The following ADARB2 variants were observed in gnomAD, a reference collection of about 807,000 sequenced individuals.
ADARB2 encodes adenosine deaminase RNA specific B2 (inactive).
ADARB2 carries 25 observed loss-of-function variants against 62.2 expected under a neutral mutation model. The ratio of observed to expected loss-of-function variants is 0.40; its 90% CI spans 0.29 to 0.56. The LOEUF is 0.56. ADARB2 is among the 20% of genes least tolerant of loss of function. ADARB2 has a pLI of 0.43. For synonymous variants in ADARB2, 572 were observed against 500.8 expected, an observed-to-expected ratio of 1.14 and a Z score of -1.90; for missense variants, 1,071 against 1,077.4, an observed-to-expected ratio of 0.99 and a Z score of 0.08.
chr10:1,346,686 A>G (rs886648617), intron 3 of ADARB2, among the ~76,000 whole-genome samples: 1 of 152,250 alleles, frequency 6.6e-6, no homozygotes, highest in Non-Finnish European at 1.5e-5. Context: ...CAGAGATGCC[A>G]GGGGTGCCCC....
intron 1 of ADARB2, among the ~76,000 whole-genome samples, chr10:1,611,761 A>G (rs1468821543): frequency 1.3e-5 from 2 of 152,240 alleles, no homozygotes; most frequent in Non-Finnish European, 2.9e-5. Flanking sequence ...GTGACTTGAT[A>G]TATCGTCCCA....
At chr10:1,301,566 C>G (rs7094667) in intron 3 of ADARB2, among the ~76,000 whole-genome samples, 1 of 112,196 alleles carries the variant, frequency 8.9e-6, no homozygotes, top group African/African-American at 3.2e-5. Context: ...TCTTCTCTCT[C>G]TCTCTCTGTC....
At chr10:1,365,326 G>A (rs1444945847) in intron 2 of ADARB2, among the ~76,000 whole-genome samples, 1 of 152,088 alleles carries the variant, frequency 6.6e-6, no homozygotes, top group Non-Finnish European at 1.5e-5. Context: ...ACTGTTGTGA[G>A]TGTTCCCACC....
At chr10:1,502,371 T>A (rs777726360) in intron 1 of ADARB2, among the ~76,000 whole-genome samples, 1 of 152,256 alleles carries the variant, frequency 6.6e-6, no homozygotes, top group Non-Finnish European at 1.5e-5. Flanking sequence ...GAGAGGTATA[T>A]GACCGTGTGC....
At chr10:1,513,397 T>C (rs1214555019) in intron 1 of ADARB2, among the ~76,000 whole-genome samples, 1 of 152,204 alleles carries the variant, frequency 6.6e-6, no homozygotes, top group Non-Finnish European at 1.5e-5. Flanking sequence ...GGCAGCGCCC[T>C]GCAGCCGACT....
chr10:1,304,799 G>A (rs1034076061), intron 3 of ADARB2, among the ~76,000 whole-genome samples: 1 of 148,672 alleles, frequency 6.7e-6, no homozygotes, highest in Non-Finnish European at 1.5e-5. Flanking sequence ...CGAAATGAAG[G>A]CAGAAATAAA....
intron 1 of ADARB2, among the ~76,000 whole-genome samples, chr10:1,492,628 T>C (rs1831636706): frequency 6.6e-6 from 1 of 152,028 alleles, no homozygotes; most frequent in African/African-American, 2.4e-5. Flanking sequence ...TAATAGGTGG[T>C]CCAAGAACAC....
At chr10:1,263,444 G>A (rs952188252) in intron 4 of ADARB2, among the ~76,000 whole-genome samples, 2 of 152,182 alleles carry the variant, frequency 1.3e-5, no homozygotes, top group African/African-American at 4.8e-5. Context: ...AAGACTCATA[G>A]TCAAAGAGAC....
At chr10:1,531,539 A>G (rs1832239880) in intron 1 of ADARB2, among the ~76,000 whole-genome samples, 1 of 152,182 alleles carries the variant, frequency 6.6e-6, no homozygotes. Context: ...TTACAGCCAC[A>G]CAGTAATAGT....
chr10:1,505,500 C>T (rs1425763451), intron 1 of ADARB2, among the ~76,000 whole-genome samples: 1 of 151,978 alleles, frequency 6.6e-6, no homozygotes, highest in Non-Finnish European at 1.5e-5. Context: ...TCGTCTGACT[C>T]ACATCCACAC....
At chr10:1,674,299 G>T (rs898285030) in intron 1 of ADARB2, among the ~76,000 whole-genome samples, 9 of 152,208 alleles carry the variant, frequency 5.9e-5, no homozygotes, top group African/African-American at 9.7e-5. Flanking sequence ...CAGTCCTACG[G>T]GTGTGACTTG....
intron 1 of ADARB2, among the ~76,000 whole-genome samples, chr10:1,671,889 G>A: frequency 6.6e-6 from 1 of 151,406 alleles, no homozygotes; most frequent in East Asian, 1.9e-4. Context: ...CACTTGCACT[G>A]GGGGGGAGTG....
At position 1,533,188 on chromosome 10, in the gene ADARB2, G is replaced by A. The variant is rs544578829; in HGVS notation, c.101-154028C>T. ...GGCTGGAGTGCAGTGGGGTGATCTC[G>A]GCTCACTGCAACCTCTGCCTCCCTG... On this transcript the variant is annotated intron_variant, in intron 1 of 9. Coordinates refer to ENST00000381312, the MANE Select transcript of ADARB2 (RefSeq NM_018702.4). 4.0e-5 allele frequency among the ~76,000 whole-genome samples: 6 copies of A among 151,212 alleles called. No homozygotes were observed. In the South Asian group the frequency reaches 1.3e-3, roughly 32 times the overall value.
chr10:1,208,623 T>C (rs1381350659), intron 7 of ADARB2, among the ~76,000 whole-genome samples: 1 of 152,250 alleles, frequency 6.6e-6, no homozygotes, highest in African/African-American at 2.4e-5. Context: ...TCTCATGGCC[T>C]GGACCCCCAG....
chr10:1,286,236 A>T (rs1318169265), intron 3 of ADARB2, among the ~76,000 whole-genome samples: 1 of 152,180 alleles, frequency 6.6e-6, no homozygotes, highest in Non-Finnish European at 1.5e-5. Flanking sequence ...GGGAAGTAGG[A>T]GAAACACTGC....
At chr10:1,481,719 T>TG (rs1193390150) in intron 1 of ADARB2, among the ~76,000 whole-genome samples, 1 of 152,042 alleles carries the variant, frequency 6.6e-6, no homozygotes, top group African/African-American at 2.4e-5. Context: ...TAGCTGGGTA[T>TG]GGGGGCGGGT....
chr10:1,519,204 C>G (rs1395568330), intron 1 of ADARB2, among the ~76,000 whole-genome samples: 1 of 151,954 alleles, frequency 6.6e-6, no homozygotes, highest in Non-Finnish European at 1.5e-5. Flanking sequence ...CGCCTATATT[C>G]CATGTAACGT....
chr10:1,659,664 A>T (rs1308675050), intron 1 of ADARB2, among the ~76,000 whole-genome samples: 1 of 152,210 alleles, frequency 6.6e-6, no homozygotes, highest in Non-Finnish European at 1.5e-5. Context: ...CTATGCCCAC[A>T]TCTGCAGGGG....
At chr10:1,347,281 C>T (rs371285366) in intron 3 of ADARB2, among the ~76,000 whole-genome samples, 9 of 152,176 alleles carry the variant, frequency 5.9e-5, no homozygotes, top group African/African-American at 1.7e-4. Context: ...GTCAGAGGAC[C>T]GAGGCCTTGT....
Sources: gnomAD v4.1 joint callset for allele counts (sites outside exome capture counted in the v4.1 genomes callset) on GRCh38, gnomAD v4.1.1 for gene constraint, MANE v1.5 for transcripts, NCBI Gene and HGNC (gene_info 2026-07-23, HGNC 2026-07-21) for gene names.